KIAA1328: variants seen among roughly 807,000 people sequenced by gnomAD.
KIAA1328 encodes protein hinderin.
In KIAA1328, 52 loss-of-function variants were observed where a neutral mutation model predicts 68.1. That is an observed-to-expected ratio of 0.76 (90% confidence interval 0.61 to 0.96). KIAA1328 has a LOEUF of 0.96. Ranked by LOEUF, KIAA1328 falls within the 40% of genes least tolerant of loss-of-function variation. The pLI, the probability that KIAA1328 is intolerant of heterozygous loss-of-function variation, is 0.00. For synonymous variants in KIAA1328, 232 were observed against 239.4 expected (o/e 0.97, Z 0.28); for missense variants, 641 against 677.6 (o/e 0.95, Z 0.60).
At chr18:36,893,013 A>G (rs1198658522) in intron 5 of KIAA1328, among the ~76,000 whole-genome samples, 1 of 152,186 alleles carries the variant, frequency 6.6e-6, no homozygotes, top group Non-Finnish European at 1.5e-5. Context: ...ATACCCATGT[A>G]ACAAACCTGC....
At position 37,182,273 on chromosome 18, in the gene KIAA1328, T is replaced by C. The variant is rs1166319228; in HGVS notation, c.1523+9192T>C. 5.9e-5 allele frequency among the ~76,000 whole-genome samples: 9 copies of C among 152,310 alleles called. No individual in the cohort carries two copies. In the East Asian group the frequency reaches 1.7e-3, roughly 29 times the overall value. ...TAATGCTTTTATAAAAATTACTTTA[T>C]ATGTTACCTAATGTAATCCTTACAA... On this transcript the variant is annotated intron_variant, in intron 9 of 9. Transcript: ENST00000280020.
intron 6 of KIAA1328, among the ~76,000 whole-genome samples, chr18:37,031,888 TG>T (rs1228373956): frequency 6.6e-6 from 1 of 152,190 alleles, no homozygotes; most frequent in African/African-American, 2.4e-5. Flanking sequence ...ATTTTTATGC[TG>T]GGTGTGGTGG....
chr18:36,880,295 C>T (rs1012531433), intron 4 of KIAA1328, among the ~76,000 whole-genome samples: 1 of 152,166 alleles, frequency 6.6e-6, no homozygotes, highest in Admixed American at 6.5e-5. Context: ...TTCCCCAATG[C>T]CTTGCGCTTC....
intron 5 of KIAA1328, among the ~76,000 whole-genome samples, chr18:36,944,605 A>G (rs916255092): frequency 3.9e-5 from 6 of 152,172 alleles, no homozygotes; most frequent in African/African-American, 7.2e-5. Flanking sequence ...GTCATGGGGA[A>G]GTAGCACAAA....
At chr18:37,163,429 G>A (rs2059324196) in intron 8 of KIAA1328, among the ~76,000 whole-genome samples, 1 of 152,074 alleles carries the variant, frequency 6.6e-6, no homozygotes. Context: ...GCTGAACCTA[G>A]GGTAATTTTG....
chr18:37,059,222 T>C (rs2056050621), intron 6 of KIAA1328, among the ~76,000 whole-genome samples: 3 of 152,074 alleles, frequency 2.0e-5, no homozygotes, highest in Non-Finnish European at 4.4e-5. Flanking sequence ...GCATACTACA[T>C]AGTAAGCTCT....
chr18:37,210,310 C>T (rs142992889), intron 9 of KIAA1328, among the ~76,000 whole-genome samples: 1 of 152,192 alleles, frequency 6.6e-6, no homozygotes, highest in East Asian at 1.9e-4. Flanking sequence ...AAAGAGAGCT[C>T]TAGGAAGACA....
intron 6 of KIAA1328, among the ~76,000 whole-genome samples, chr18:36,963,899 T>C (rs984480955): frequency 1.3e-5 from 2 of 152,252 alleles, no homozygotes; most frequent in African/African-American, 2.4e-5. Context: ...GAAATATTTC[T>C]TTTTCATTAA....
intron 6 of KIAA1328, among the ~76,000 whole-genome samples, chr18:37,025,168 A>G (rs1357803819): frequency 6.6e-6 from 1 of 152,178 alleles, no homozygotes; most frequent in African/African-American, 2.4e-5. Flanking sequence ...ATTCAACAAG[A>G]AGAGCTATCC....
At chr18:37,136,000 C>T (rs1241263945) in intron 7 of KIAA1328, among the ~76,000 whole-genome samples, 1 of 152,058 alleles carries the variant, frequency 6.6e-6, no homozygotes, top group Non-Finnish European at 1.5e-5. Context: ...CTATTTTTTC[C>T]ATTGGTCTAT....
rs981727489 is a variant in KIAA1328, at chr18:36,959,301, A to G, written c.449-7A>G. On this transcript the variant is annotated splice_polypyrimidine_tract_variant and splice_region_variant and intron_variant, in intron 5 of 9. Transcript: ENST00000280020. ...TTCAGTTTTTTTCCCTTAATTTGCA[A>G]TCTCACCTCTTCAGCTACAGTATAG... The G allele has an allele frequency of 4.5e-6, 7 of 1,567,690 alleles. No homozygotes were observed. Among genetic ancestry groups the G allele is most frequent in the East Asian group, 2.3e-5 (1 of 43,870 alleles).
At chr18:37,095,438 AT>A (rs1274099451) in intron 7 of KIAA1328, among the ~76,000 whole-genome samples, 7 of 152,308 alleles carry the variant, frequency 4.6e-5, no homozygotes, top group East Asian at 1.9e-4. Flanking sequence ...CTATAAAAAA[AT>A]GTACATATGT....
chr18:36,918,657 C>T (rs1008440577), intron 5 of KIAA1328, among the ~76,000 whole-genome samples: 7 of 152,092 alleles, frequency 4.6e-5, no homozygotes, highest in Admixed American at 4.6e-4. Context: ...TCAAGTGATC[C>T]TCCTGCCTTG....
chr18:37,083,236 A>G (rs911457399), intron 7 of KIAA1328, among the ~76,000 whole-genome samples: 3 of 152,162 alleles, frequency 2.0e-5, no homozygotes, highest in African/African-American at 7.2e-5. Context: ...TTTTGCATCT[A>G]CATTTACCTA....
chr18:36,849,085 G>A (rs189056700), intron 4 of KIAA1328, among the ~76,000 whole-genome samples: 2 of 151,758 alleles, frequency 1.3e-5, no homozygotes, highest in East Asian at 1.9e-4. Context: ...TTAGTGTACA[G>A]TTCAGTAGTG....
chr18:37,162,238 T>C (rs2059295468), intron 8 of KIAA1328, among the ~76,000 whole-genome samples: 2 of 151,872 alleles, frequency 1.3e-5, no homozygotes, highest in East Asian at 1.9e-4. Flanking sequence ...AGGTTTTTTT[T>C]CCCCTTTTTT....
chr18:36,913,431 A>G (rs187417264), intron 5 of KIAA1328, among the ~76,000 whole-genome samples: 1 of 149,284 alleles, frequency 6.7e-6, no homozygotes, highest in Non-Finnish European at 1.5e-5. Flanking sequence ...TTTTGATAAG[A>G]GGCTCTTCCA....
intron 7 of KIAA1328, among the ~76,000 whole-genome samples, chr18:37,144,705 T>G (rs1371034716): frequency 6.6e-6 from 1 of 151,966 alleles, no homozygotes; most frequent in African/African-American, 2.4e-5. Context: ...ATTTTTGTAT[T>G]TTTTTGTAGA....
intron 7 of KIAA1328, among the ~76,000 whole-genome samples, chr18:37,101,448 G>T (rs948644357): frequency 1.3e-5 from 2 of 152,154 alleles, no homozygotes; most frequent in Admixed American, 1.3e-4. Context: ...GAAATGAAGC[G>T]AGAAGAGAAG....
Sources: gnomAD v4.1 joint callset for allele counts (sites outside exome capture counted in the v4.1 genomes callset) on GRCh38, gnomAD v4.1.1 for gene constraint, MANE v1.5 for transcripts, NCBI Gene and HGNC (gene_info 2026-07-23, HGNC 2026-07-21) for gene names.